MMP2: variants seen among roughly 807,000 people sequenced by gnomAD.
MMP2 encodes the protein 72 kDa type IV collagenase.
MMP2 carries 39 observed loss-of-function variants against 74.8 expected under a neutral mutation model. That is an observed-to-expected ratio of 0.52 (90% CI 0.40 to 0.68). MMP2 has a LOEUF of 0.68. MMP2 is among the 30% of genes least tolerant of loss of function. The pLI, the probability that MMP2 is intolerant of heterozygous loss-of-function variation, is 0.00. For synonymous variants in MMP2, 367 were observed against 339.8 expected, an observed-to-expected ratio of 1.08 and a Z score of -0.88; for missense variants, 803 against 878.3, an observed-to-expected ratio of 0.91 and a Z score of 1.08.
chr16:55,479,816 T>C (rs2142339579), intron 1 of MMP2, among the ~76,000 whole-genome samples, 184 bp downstream of exon 1: 1 of 152,190 alleles, frequency 6.6e-6, no homozygotes, highest in East Asian at 1.9e-4. Flanking sequence ...GGGGATCTTT[T>C]GTAAGCAAAG....
intron 11 of MMP2, among the ~76,000 whole-genome samples, chr16:55,499,774 C>A (rs1399905264): frequency 6.6e-6 from 1 of 152,168 alleles, no homozygotes; most frequent in Non-Finnish European, 1.5e-5. Context: ...TAACTGAGTA[C>A]CCCCTCCACT....
At chr16:55,485,850 T>C (rs1962235392) in intron 5 of MMP2, 73 bp downstream of exon 5, 2 of 1,497,146 alleles carry the variant, frequency 1.3e-6, no homozygotes, top group Admixed American at 3.3e-5. Flanking sequence ...AGTGTGCTCT[T>C]CCCTCCACAC....
At chr16:55,492,045 A>T (rs1962422698) in intron 8 of MMP2, 89 bp downstream of exon 8, 1 of 1,326,192 alleles carries the variant, frequency 7.5e-7, no homozygotes, top group Non-Finnish European at 1.1e-6. Flanking sequence ...TGGGACCAGC[A>T]AGATCTCATC....
intron 7 of MMP2, among the ~76,000 whole-genome samples, chr16:55,490,536 G>A (rs1455457782): frequency 6.6e-6 from 1 of 152,164 alleles, no homozygotes; most frequent in Non-Finnish European, 1.5e-5. Flanking sequence ...CAGGGTGCTT[G>A]GGGCCCTGTG....
At chr16:55,493,480 T>C (rs1962464625) in intron 9 of MMP2, among the ~76,000 whole-genome samples, 187 bp downstream of exon 9, 1 of 152,210 alleles carries the variant, frequency 6.6e-6, no homozygotes, top group Non-Finnish European at 1.5e-5. Flanking sequence ...AGCATTTTGT[T>C]TGCTCTCTCA....
At chr16:55,488,500 A>C in intron 5 of MMP2, 43 bp from the exon 6 acceptor site, 2 of 1,598,928 alleles carry the variant, frequency 1.3e-6, no homozygotes, top group Non-Finnish European at 1.7e-6. Flanking sequence ...TGCCCATGGA[A>C]GCATGTCTCA....
chr16:55,500,984 G>A (rs1962655065), intron 11 of MMP2, among the ~76,000 whole-genome samples: 1 of 152,164 alleles, frequency 6.6e-6, no homozygotes, highest in African/African-American at 2.4e-5. Context: ...CTGGAGAGAC[G>A]GGGGTCAAAA....
intron 10 of MMP2, 107 bp downstream of exon 10, chr16:55,497,169 C>T (rs1233971307): frequency 7.0e-7 from 1 of 1,435,250 alleles, no homozygotes. Context: ...TTCCTATGCA[C>T]CCGTGGGTGC....
At chr16:55,485,840 A>C (rs1382294800) in intron 5 of MMP2, 63 bp downstream of exon 5, 1 of 1,562,302 alleles carries the variant, frequency 6.4e-7, no homozygotes, top group African/African-American at 1.4e-5. Context: ...CGGGCTCCCC[A>C]GTGTGCTCTT....
At chr16:55,481,690 C>G (rs1254002503) in intron 1 of MMP2, 18 of 570,322 alleles carry the variant, frequency 3.2e-5, no homozygotes, top group Non-Finnish European at 5.5e-5. Flanking sequence ...AGAGGCAATG[C>G]AGTGGGGGCT....
In MMP2 at chr16:55,489,771, C is replaced by T. The variant is rs1339250489; in HGVS notation, c.1127C>T (p.Ala376Val). The change falls in exon 7 of 13, where the codon GCG (alanine) becomes GTG (valine). Residue 376 changes from alanine to valine, a missense_variant. Physicochemically the swap from Ala to Val is moderately conservative, Grantham distance 64. This residue lies in a region of MMP2 where 555 missense variants were observed against 592.0 expected (regional missense o/e 0.94). Transcript: ENST00000219070. ...CGCAGTGACGGAAAGATGTGGTGTG[C>T]GACCACAGCCAACTACGATGATGAC... ...AGRSDGKMWC[A>V]TTANYDDDRK... 1.9e-6 allele frequency: 3 copies of T among 1,614,022 alleles called. No individual in the cohort carries two copies. Among genetic ancestry groups the T allele is most frequent in the Non-Finnish European group, 2.5e-6 (3 of 1,180,028 alleles).
At chr16:55,483,941 GCA>G in intron 2 of MMP2, 73 bp from the exon 3 acceptor site, 4 of 1,518,262 alleles carry the variant, frequency 2.6e-6, no homozygotes, top group Non-Finnish European at 3.7e-6. Context: ...ATACATCTGT[GCA>G]CACACACATA....
At chr16:55,488,824 C>T (rs2142354118) in intron 6 of MMP2, 108 bp downstream of exon 6, 1 of 1,180,270 alleles carries the variant, frequency 8.5e-7, no homozygotes, top group Non-Finnish European at 1.2e-6. Context: ...GACAGGGGTG[C>T]TAAGACATCT....
intron 8 of MMP2, among the ~76,000 whole-genome samples, chr16:55,492,394 A>G (rs574564433): frequency 4.6e-5 from 7 of 152,072 alleles, no homozygotes; most frequent in Middle Eastern, 3.2e-3. Flanking sequence ...TTTAGTATGT[A>G]GTAGAAACAG....
intron 12 of MMP2, among the ~76,000 whole-genome samples, chr16:55,504,039 TCCCAGCTA>T: frequency 6.6e-6 from 1 of 152,226 alleles, no homozygotes; most frequent in East Asian, 1.9e-4. Context: ...ATACCTGTAG[TCCCAGCTA>T]CTGGGGAGGG....
Position 55,505,668 on chromosome 16 carries a change from T to G in MMP2, c.*226T>G. The stretch of plus-strand genomic sequence containing the variant: ...TCCCAGGCGCCCCTTCCCCCTCCAA[T>G]CCCACCAACCCTCAGAGCCACCCCT... On this transcript the variant is annotated 3_prime_UTR_variant, in exon 13 of 13. Coordinates refer to ENST00000219070, the MANE Select transcript of MMP2 (RefSeq NM_004530.6). The G allele has an allele frequency of 1.7e-6, 1 of 588,750 alleles. No homozygotes were observed. The highest frequency in any genetic ancestry group is 3.0e-6 in the Non-Finnish European group (1 of 329,050). 36.5% of individuals were successfully genotyped at this position (588,750 alleles called of 1,614,324 possible).
intron 5 of MMP2, 188 bp from the exon 6 acceptor site, chr16:55,488,355 C>T: frequency 1.6e-6 from 1 of 636,250 alleles, no homozygotes; most frequent in Non-Finnish European, 2.8e-6. Context: ...ATTGGGATAA[C>T]CAGGGAAGCA....
chr16:55,501,692 A>G (rs1249084154), intron 11 of MMP2, among the ~76,000 whole-genome samples: 1 of 152,132 alleles, frequency 6.6e-6, no homozygotes, highest in African/African-American at 2.4e-5. Context: ...TCTCCTCTAG[A>G]AGGGAGCATA....
chr16:55,491,818 G>A lies in MMP2; in HGVS notation c.1198G>A (p.Val400Met), dbSNP rs778518819. ...ACCCTCAGGGTACAGCCTGTTCCTC[G>A]TGGCAGCCCACGAGTTTGGCCACGC... ...CPDQGYSLFL[V>M]AAHEFGHAMG... The change falls in exon 8 of 13, where the codon GTG (valine) becomes ATG (methionine). Residue 400 changes from valine (V) to methionine (M), a missense_variant. Physicochemically the swap from Val to Met is conservative, Grantham distance 21. Around this residue, in one of 3 missense-constraint regions of MMP2, gnomAD observed 555 missense variants for 592.0 expected, o/e 0.94. Coordinates refer to ENST00000219070, the MANE Select transcript of MMP2 (RefSeq NM_004530.6). The A allele has an allele frequency of 6.8e-6, 11 of 1,614,032 alleles. No homozygotes were observed. Among genetic ancestry groups the A allele is most frequent in the Admixed American group, 1.7e-5 (1 of 60,008 alleles).
Sources: allele counts gnomAD v4.1 joint callset (sites outside exome capture counted in the v4.1 genomes callset), GRCh38; gene constraint gnomAD v4.1.1; regional missense constraint gnomAD v4.1.1; transcripts MANE v1.5; gene names NCBI Gene and HGNC (gene_info 2026-07-23, HGNC 2026-07-21).